Variants in PGGT1B observed in about 807,000 individuals in gnomAD.
PGGT1B encodes the protein geranylgeranyl transferase type-1 subunit beta.
PGGT1B carries 30 observed loss-of-function variants against 46.1 expected under a neutral mutation model. The observed-to-expected ratio is 0.65, with a 90% CI of 0.49 to 0.88. The LOEUF is 0.88. Ranked by LOEUF, PGGT1B falls within the 40% of genes least tolerant of loss-of-function variation. The pLI, the probability that PGGT1B is intolerant of heterozygous loss-of-function variation, is 0.00. For synonymous variants in PGGT1B, 170 were observed against 160.0 expected, an observed-to-expected ratio of 1.06 and a Z score of -0.47; for missense variants, 376 against 455.9, an observed-to-expected ratio of 0.82 and a Z score of 1.60.
At chr5:115,220,556 G>A (rs1001770813) in intron 7 of PGGT1B, among the ~76,000 whole-genome samples, 1 of 151,906 alleles carries the variant, frequency 6.6e-6, no homozygotes, top group African/African-American at 2.4e-5. Context: ...TGGAATTAAT[G>A]CTAGTGAACT....
intron 3 of PGGT1B, among the ~76,000 whole-genome samples, chr5:115,239,313 G>C (rs55952947): frequency 0.12 from 18,268 of 152,094 alleles, 1,775 homozygotes; most frequent in East Asian, 0.5. Flanking sequence ...CAAAGTGCTG[G>C]GATTGCAGGT....
chr5:115,261,061 G>C (rs974016315), intron 1 of PGGT1B, among the ~76,000 whole-genome samples: 1 of 152,122 alleles, frequency 6.6e-6, no homozygotes, highest in East Asian at 1.9e-4. Context: ...GTATGTATAC[G>C]ATAAATATGC....
rs142724113 is a variant in PGGT1B at position 115,261,456 on chromosome 5, A to G, written c.140+1256T>C. Reference sequence around the variant, plus strand: ...CTGTTGCAAATGTTGAAATAGAAACAATTGCCACTGGCCAATATGGCAACT... The same window carrying G: ...CTGTTGCAAATGTTGAAATAGAAACGATTGCCACTGGCCAATATGGCAACT... On this transcript the variant is annotated intron_variant, in intron 1 of 8. Transcript: ENST00000419445. 2.7e-3 allele frequency among the ~76,000 whole-genome samples: 416 copies of G among 152,360 alleles called. 3 individuals carry two copies. Among genetic ancestry groups the G allele is most frequent in the African/African-American group, 9.7e-3 (403 of 41,590 alleles).
intron 6 of PGGT1B, among the ~76,000 whole-genome samples, chr5:115,225,732 G>A (rs758870514): frequency 2.0e-5 from 3 of 147,586 alleles, no homozygotes; most frequent in Admixed American, 1.4e-4. Flanking sequence ...TGCAACCTCC[G>A]CCTCCTGGGT....
chr5:115,246,082 T>C (rs1311009795), intron 2 of PGGT1B, among the ~76,000 whole-genome samples: 3 of 152,162 alleles, frequency 2.0e-5, no homozygotes, highest in Admixed American at 1.3e-4. Context: ...CCGGGCGCGG[T>C]GGCTCAAGCC....
At chr5:115,233,449 G>A (rs1324512619) in intron 5 of PGGT1B, among the ~76,000 whole-genome samples, 2 of 148,184 alleles carry the variant, frequency 1.3e-5, no homozygotes, top group Non-Finnish European at 3.0e-5. Flanking sequence ...AATGAGATAA[G>A]TCAAAAAGGT....
chr5:115,228,487 G>T (rs1054142370), intron 6 of PGGT1B, among the ~76,000 whole-genome samples: 1 of 152,082 alleles, frequency 6.6e-6, no homozygotes, highest in South Asian at 2.1e-4. Context: ...TGTGCAGTTG[G>T]TTTGCAATTC....
chr5:115,207,847 A>G lies in PGGT1B; in HGVS notation c.*4555T>C, dbSNP rs1756107908. ...GTGGGCATGTCTTGTTCCTGACTTC[A>G]GCTGGAAAGTCTCCTTTGCTTTGAA... On this transcript the variant is annotated 3_prime_UTR_variant, in exon 9 of 9. Transcript: ENST00000419445. 6.6e-6 allele frequency: 1 copy of G among 152,100 alleles called. No individual in the cohort carries two copies. The highest frequency in any genetic ancestry group is 6.6e-5 in the Admixed American group (1 of 15,230). The allele number at this position is 152,100 out of a possible 1,614,324, so 9.4% of individuals were successfully genotyped here.
rs1756253006 is a variant in PGGT1B, at chr5:115,212,184, GA to G, written c.*217del. 6 of 719,672 alleles carry G rather than the reference GA, an allele frequency of 8.3e-6. No homozygotes were observed. The highest frequency in any genetic ancestry group is 3.7e-5 in the African/African-American group (2 of 54,716). 44.6% of individuals were successfully genotyped at this position (719,672 alleles called of 1,614,324 possible). On this transcript the variant is annotated 3_prime_UTR_variant, in exon 9 of 9. Coordinates refer to ENST00000419445, the MANE Select transcript of PGGT1B (RefSeq NM_005023.4). ...TTAGAAATACAGTATAAACATTTAA[GA>G]ACCACGACAAAGTTGTGGTTCAAAC... is the stretch of plus-strand genomic sequence containing the variant.
intron 4 of PGGT1B, among the ~76,000 whole-genome samples, chr5:115,236,975 C>T (rs1288096855): frequency 6.6e-6 from 1 of 152,088 alleles, no homozygotes; most frequent in African/African-American, 2.4e-5. Flanking sequence ...ATCGATTGAT[C>T]ATATTGTATT....
chr5:115,250,270 A>C (rs1748034926), intron 2 of PGGT1B, among the ~76,000 whole-genome samples: 1 of 152,210 alleles, frequency 6.6e-6, no homozygotes, highest in South Asian at 2.1e-4. Context: ...ATATTCTACC[A>C]GTTTGCAAAT....
At chr5:115,224,472 T>G (rs1317064766) in intron 6 of PGGT1B, among the ~76,000 whole-genome samples, 3 of 152,162 alleles carry the variant, frequency 2.0e-5, no homozygotes, top group East Asian at 3.9e-4. Context: ...ATTTACAAAG[T>G]CTATGCTTTA....
rs1443106014 is a variant in PGGT1B at position 115,210,372 on chromosome 5, T to A, written c.*2030A>T. 6.6e-6 allele frequency: 1 copy of A among 152,130 alleles called. No individual in the cohort carries two copies. The highest frequency in any genetic ancestry group is 2.4e-5 in the African/African-American group (1 of 41,446). The allele number at this position is 152,130 out of a possible 1,614,324, so 9.4% of individuals were successfully genotyped here. ...AATCGATAAATGCTTTTCTTGTAAA[T>A]AACTATTTAGAAAAGTTAGAAATAG... On this transcript the variant is annotated 3_prime_UTR_variant, in exon 9 of 9. Transcript: ENST00000419445.
In PGGT1B at chr5:115,210,782, G is replaced by T. The variant is rs879772894; in HGVS notation, c.*1620C>A. On this transcript the variant is annotated 3_prime_UTR_variant, in exon 9 of 9. Transcript: ENST00000419445. ...GTTTGAGATATGGATGTCTTAATCTGCCAGGATTTAAATAGTAGCAACTGG... is the reference window on the plus strand; with the variant it reads ...GTTTGAGATATGGATGTCTTAATCTTCCAGGATTTAAATAGTAGCAACTGG... The T allele has an allele frequency of 3.9e-5, 6 of 151,934 alleles. No homozygotes were observed. The highest frequency in any genetic ancestry group is 7.4e-5 in the Non-Finnish European group (5 of 67,906). 9.4% of individuals were successfully genotyped at this position (151,934 alleles called of 1,614,324 possible). A position where few individuals can be genotyped will look rare whatever the true frequency, so the allele number is the denominator to read the frequency against.
intron 2 of PGGT1B, among the ~76,000 whole-genome samples, chr5:115,252,192 A>G (rs1252016500): frequency 6.6e-6 from 1 of 152,122 alleles, no homozygotes; most frequent in African/African-American, 2.4e-5. Flanking sequence ...AGATATTTAT[A>G]TATTTAATTC....
At chr5:115,215,946 C>T (rs1756403826) in intron 8 of PGGT1B, among the ~76,000 whole-genome samples, 2 of 152,216 alleles carry the variant, frequency 1.3e-5, no homozygotes, top group South Asian at 2.1e-4. Flanking sequence ...TATATAGACT[C>T]ATTTTGCTGG....
Position 115,250,368 on chromosome 5 carries a change from G to C in PGGT1B, c.259+2769C>G, listed in dbSNP as rs550122822. ...ATAAAAGAGGAAGAGAAAAAAGTTG[G>C]AGAAGGGGCAGGTGATTTAATAGTC... On this transcript the variant is annotated intron_variant, in intron 2 of 8. Transcript: ENST00000419445. 2.5e-3 allele frequency among the ~76,000 whole-genome samples: 375 copies of C among 152,296 alleles called. 1 individual carries two copies. The highest frequency in any genetic ancestry group is 8.5e-3 in the African/African-American group (353 of 41,566).
chr5:115,254,056 T>C lies in PGGT1B; in HGVS notation c.141-801A>G, dbSNP rs141368552. On this transcript the variant is annotated intron_variant, in intron 1 of 8. Transcript: ENST00000419445. Reference sequence around the variant, plus strand: ...AATTCATATGACTAATAGTAATAAATTAACACTTCAAATTATCTGGTCTAA... The same window carrying C: ...AATTCATATGACTAATAGTAATAAACTAACACTTCAAATTATCTGGTCTAA... Among the ~76,000 whole-genome samples the C allele has an allele frequency of 3.1e-3, 468 of 152,200 alleles. 1 individual carries two copies. The highest frequency in any genetic ancestry group is 0.01 in the African/African-American group (434 of 41,568).
intron 1 of PGGT1B, 64 bp downstream of exon 1, chr5:115,262,648 C>A: frequency 1.3e-6 from 2 of 1,535,750 alleles, no homozygotes; most frequent in East Asian, 4.9e-5. Flanking sequence ...CGGTCCGACT[C>A]CGCCGCGCCT....
Sources: allele counts gnomAD v4.1 joint callset (sites outside exome capture counted in the v4.1 genomes callset), GRCh38; gene constraint gnomAD v4.1.1; transcripts MANE v1.5; gene names NCBI Gene and HGNC (gene_info 2026-07-23, HGNC 2026-07-21).